LRR1: variants seen among roughly 807,000 people sequenced by gnomAD.
LRR1 encodes the protein leucine rich repeat protein 1, also known as leucine-rich repeat protein 1.
LRR1 carries 29 observed loss-of-function variants against 31.6 expected under a neutral mutation model. The observed-to-expected ratio is 0.92, with a 90% CI of 0.68 to 1.25. The LOEUF is 1.25. Among genes scored for constraint, LRR1 ranks in the 50% most tolerant of loss-of-function variants. The probability of loss-of-function intolerance (pLI) is 0.00; values close to 1 mark genes in which losing one functional copy is unlikely to be tolerated. For synonymous variants in LRR1, 179 were observed against 181.4 expected (o/e 0.99, Z 0.10); for missense variants, 485 against 487.2 (o/e 1.00, Z 0.04).
chr14:49,601,076 C>T, intron 1 of LRR1: 1 of 1,611,332 alleles, frequency 6.2e-7, no homozygotes, highest in East Asian at 2.2e-5. Context: ...ACAAGGCCAG[C>T]CACGTAGCCA....
intron 1 of LRR1, 125 bp downstream of exon 1, chr14:49,599,328 T>G (rs1353788285): frequency 2.0e-5 from 22 of 1,123,240 alleles, no homozygotes; most frequent in Admixed American, 5.5e-5. Context: ...GTTCCTGAAC[T>G]CCCAGCCTTG....
intron 1 of LRR1, among the ~76,000 whole-genome samples, chr14:49,599,814 G>T (rs1881973354): frequency 6.8e-6 from 1 of 146,356 alleles, no homozygotes; most frequent in Admixed American, 6.8e-5. Flanking sequence ...CGGCAGCGCC[G>T]CGGGCCTGCG....
Position 49,607,548 on chromosome 14 carries a change from A to C in LRR1, c.431A>C (p.Lys144Thr). The C allele has an allele frequency of 6.2e-7, 1 of 1,614,176 alleles. No homozygotes were observed. Among genetic ancestry groups the C allele is most frequent in the Non-Finnish European group, 8.5e-7 (1 of 1,180,028 alleles). Reference sequence around the variant, plus strand: ...ACTAAAATGGTTATCACATCCAAAAAAGACTATCCTCTAAGTAAGAATTTT... The same window carrying C: ...ACTAAAATGGTTATCACATCCAAAACAGACTATCCTCTAAGTAAGAATTTT... ...FKTKMVITSK[K>T]DYPLSKNFPY... Residue 144 changes from lysine to threonine, a missense_variant, in exon 3 of 4, where the codon AAA becomes ACA. This residue lies in a region of LRR1 where 260 missense variants were observed against 249.6 expected (regional missense o/e 1.04). Transcript: ENST00000298288.
rs538466262 is a variant in LRR1, at chr14:49,602,898, C to T, written c.282+430C>T. On this transcript the variant is annotated intron_variant, in intron 2 of 3. Transcript: ENST00000298288. ...CTGCCCAGGCTGGAGTGTAGTGGCA[C>T]GATCTCAGCTCACTGCAACCTCCAT... Among the ~76,000 whole-genome samples the T allele has an allele frequency of 4.6e-5, 7 of 152,090 alleles. No homozygotes were observed. The East Asian group carries it at 5.8e-4, about 13-fold the overall frequency.
intron 1 of LRR1, chr14:49,601,501 ATT>A: frequency 1.4e-6 from 1 of 696,810 alleles, no homozygotes; most frequent in Non-Finnish European, 2.2e-6. Context: ...TAATCATTAA[ATT>A]TTTTTTGAGC....
Position 49,603,680 on chromosome 14 carries a change from C to G in LRR1, c.282+1212C>G, listed in dbSNP as rs1290487266. On this transcript the variant is annotated intron_variant, in intron 2 of 3. Coordinates refer to ENST00000298288, the MANE Select transcript of LRR1 (RefSeq NM_152329.4). ...GTGCCTGGCCCTTACTGTAATCATT[C>G]CTTTTTTTTTTTTTTTTTTTTTTTT... 7 of 761,196 alleles carry G rather than the reference C, an allele frequency of 9.2e-6. No individual in the cohort carries two copies. In the African/African-American group the frequency reaches 1.6e-4, roughly 17 times the overall value. The allele number at this position is 761,196 out of a possible 1,614,324, so 47.2% of individuals were successfully genotyped here.
At chr14:49,602,277 C>G in intron 1 of LRR1, 93 bp from the exon 2 acceptor site, 1 of 1,119,084 alleles carries the variant, frequency 8.9e-7, no homozygotes, top group South Asian at 1.4e-5. Flanking sequence ...CAAACCAAAG[C>G]CTGGCAAAGT....
At chr14:49,602,149 T>G (rs1348796068) in intron 1 of LRR1, among the ~76,000 whole-genome samples, 8 of 142,288 alleles carry the variant, frequency 5.6e-5, no homozygotes, top group African/African-American at 2.2e-4. Flanking sequence ...ACTTTTTTTT[T>G]TTTTTTTTTT....
intron 2 of LRR1, 90 bp downstream of exon 2, chr14:49,602,558 G>A: frequency 9.3e-7 from 1 of 1,076,706 alleles, no homozygotes. Flanking sequence ...CCAAGCTGAA[G>A]TACAGAGGCA....
At chr14:49,612,342 G>C (rs1882542652) in intron 3 of LRR1, 1 of 452,158 alleles carries the variant, frequency 2.2e-6, no homozygotes, top group Non-Finnish European at 3.0e-6. Context: ...CTATTATCTA[G>C]CTGTTGATAA....
intron 3 of LRR1, among the ~76,000 whole-genome samples, chr14:49,611,778 CAG>C (rs994029595): frequency 8.6e-5 from 13 of 151,928 alleles, no homozygotes; most frequent in African/African-American, 3.1e-4. Flanking sequence ...CAAAAATTAA[CAG>C]GGTGTCGTGG....
At chr14:49,599,970 C>G (rs376011339) in intron 1 of LRR1, 8 of 1,570,480 alleles carry the variant, frequency 5.1e-6, no homozygotes, top group African/African-American at 1.3e-5. Flanking sequence ...GGACCATGCC[C>G]GGAGGCCGGC....
intron 1 of LRR1, chr14:49,600,404 T>C: frequency 1.2e-6 from 2 of 1,602,246 alleles, no homozygotes; most frequent in Non-Finnish European, 1.7e-6. Flanking sequence ...GACTGAGTGA[T>C]ATGAAAGAAA....
intron 1 of LRR1, 127 bp from the exon 2 acceptor site, chr14:49,602,243 C>A (rs1364412535): frequency 1.1e-4 from 48 of 418,980 alleles, no homozygotes; most frequent in Admixed American, 2.1e-4. Context: ...AAAATGAAAA[C>A]ACTCAGACTC....
chr14:49,608,370 A>G (rs576518310), intron 3 of LRR1, among the ~76,000 whole-genome samples: 1 of 106,090 alleles, frequency 9.4e-6, no homozygotes, highest in African/African-American at 3.7e-5. Flanking sequence ...TGTCCATTCT[A>G]TCTAAATTTT....
chr14:49,614,320 TG>T lies in LRR1; in HGVS notation c.1070del (p.Cys357LeufsTer8), dbSNP rs1364822015. On this transcript the variant is annotated frameshift_variant, in exon 4 of 4. Transcript: ENST00000298288. LOFTEE classifies it high-confidence loss of function. Reference protein sequence around the residue: ...LCQDLDTAKICVCGRFCLNSF... With the variant: ...LCQDLDTAKIXVCGRFCLNSF... ...CCAAGATTTGGATACCGCAAAAATT[TG>T]TGTTTGTGGAAGATTCTGTCTGAAC... is the stretch of plus-strand genomic sequence containing the variant. 2 of 1,613,924 alleles carry T rather than the reference TG, an allele frequency of 1.2e-6. No homozygotes were observed. The highest frequency in any genetic ancestry group is 1.7e-6 in the Non-Finnish European group (2 of 1,179,974).
intron 2 of LRR1, among the ~76,000 whole-genome samples, chr14:49,603,902 C>T (rs1481982085): frequency 6.0e-5 from 9 of 150,178 alleles, no homozygotes; most frequent in Non-Finnish European, 1.0e-4. Context: ...CATGTTGGCC[C>T]GGCTGGTCTC....
chr14:49,601,935 C>T (rs936607563), intron 1 of LRR1, among the ~76,000 whole-genome samples: 1 of 151,634 alleles, frequency 6.6e-6, no homozygotes, highest in African/African-American at 2.4e-5. Context: ...GAGTTCTAGA[C>T]CAGCTTGGCC....
At chr14:49,605,791 A>AAT (rs1156624397) in intron 2 of LRR1, among the ~76,000 whole-genome samples, 1 of 152,190 alleles carries the variant, frequency 6.6e-6, no homozygotes, top group Non-Finnish European at 1.5e-5. Context: ...CAAGTCTGTG[A>AAT]ACCAGTATGC....
Sources: allele counts gnomAD v4.1 joint callset (sites outside exome capture counted in the v4.1 genomes callset), GRCh38; gene constraint gnomAD v4.1.1; regional missense constraint gnomAD v4.1.1; transcripts MANE v1.5; gene names NCBI Gene and HGNC (gene_info 2026-07-23, HGNC 2026-07-21).